PARVB: variants seen among roughly 807,000 people sequenced by gnomAD.
The protein encoded by PARVB is parvin beta.
In PARVB, 46 loss-of-function variants were observed where a neutral mutation model predicts 47.0. That is an observed-to-expected ratio of 0.98 (90% CI 0.77 to 1.25). PARVB has a LOEUF of 1.25. Among genes scored for constraint, PARVB ranks in the 50% most tolerant of loss-of-function variants. The pLI, the probability that PARVB is intolerant of heterozygous loss-of-function variation, is 0.00. For synonymous variants in PARVB, 196 were observed against 196.3 expected, an observed-to-expected ratio of 1.00 and a Z score of 0.01; for missense variants, 473 against 471.6, an observed-to-expected ratio of 1.00 and a Z score of -0.03.
chr22:44,077,302 C>T (rs1261368843), intron 1 of PARVB, among the ~76,000 whole-genome samples: 1 of 152,198 alleles, frequency 6.6e-6, no homozygotes, highest in African/African-American at 2.4e-5. Flanking sequence ...GCCTCTGTCT[C>T]CCTCTTCACG....
At position 44,079,242 on chromosome 22, in the gene PARVB, A is replaced by C. The variant is rs377399940; in HGVS notation, c.113-14686A>C. Among the ~76,000 whole-genome samples the C allele has an allele frequency of 5.3e-5, 8 of 152,216 alleles. No homozygotes were observed. The South Asian group carries it at 1.0e-3, about 20-fold the overall frequency. ...GGTGCTGACATCTGGGCTGATATTC[A>C]CCGTTTTTAGTGACTTGAATGACGT... On this transcript the variant is annotated intron_variant, in intron 1 of 12. Transcript: ENST00000338758.
intron 1 of PARVB, among the ~76,000 whole-genome samples, chr22:44,087,894 C>G (rs1284424281): frequency 8.2e-6 from 1 of 121,278 alleles, no homozygotes; most frequent in Non-Finnish European, 1.6e-5. Context: ...CTTGCCCAAT[C>G]TTTGGGTGGA....
intron 3 of PARVB, chr22:44,115,905 C>G (rs1365056415): frequency 6.6e-6 from 1 of 151,488 alleles, no homozygotes; most frequent in East Asian, 1.9e-4. Context: ...AACTAAGGCC[C>G]TGCACCAACA....
rs1199874584 is a variant in PARVB, at chr22:44,103,101, A to AC, written c.273+2983dup. Reference sequence around the variant, plus strand: ...TGCCTTTGCTGCTTTGCTGCCAAAGACCCCCAGGCTGTTTTGGCCTTGGTG... The same window carrying AC: ...TGCCTTTGCTGCTTTGCTGCCAAAGACCCCCCAGGCTGTTTTGGCCTTGGTG... On this transcript the variant is annotated intron_variant, in intron 3 of 12. Transcript: ENST00000338758. This position sits in a 1 kb window ranked among gnomAD's most constrained non-coding sequence, Gnocchi z 4.6. The AC allele has an allele frequency of 6.6e-6, 1 of 152,040 alleles. No homozygotes were observed. The highest frequency in any genetic ancestry group is 1.5e-5 in the Non-Finnish European group (1 of 68,054). 9.4% of individuals were successfully genotyped at this position (152,040 alleles called of 1,614,324 possible).
At chr22:44,072,636 T>A (rs895922022) in intron 1 of PARVB, among the ~76,000 whole-genome samples, 4 of 152,090 alleles carry the variant, frequency 2.6e-5, no homozygotes, top group Admixed American at 6.6e-5. Flanking sequence ...AGACGGGGGC[T>A]TCACCATGTT....
chr22:44,053,693 ACT>A (rs1438264066), intron 1 of PARVB, among the ~76,000 whole-genome samples: 2 of 152,050 alleles, frequency 1.3e-5, no homozygotes, highest in East Asian at 3.9e-4. Context: ...GTCTCCCAAG[ACT>A]CTGAACAGTG....
At chr22:44,167,255 G>A (rs889151765) in intron 12 of PARVB, among the ~76,000 whole-genome samples, 1 of 152,226 alleles carries the variant, frequency 6.6e-6, no homozygotes, top group African/African-American at 2.4e-5. Flanking sequence ...TGCGGAGCTC[G>A]ATGGTGGGGT....
chr22:44,096,130 C>T (rs2052301832), intron 2 of PARVB, among the ~76,000 whole-genome samples: 1 of 152,238 alleles, frequency 6.6e-6, no homozygotes, highest in Non-Finnish European at 1.5e-5. Flanking sequence ...GAGGCTAAGT[C>T]AGGAGAATCG....
chr22:44,145,741 C>G (rs957017351), intron 8 of PARVB: 1 of 152,204 alleles, frequency 6.6e-6, no homozygotes, highest in African/African-American at 2.4e-5. Context: ...GCGGAGAGGC[C>G]TCTGCGGCCC....
chr22:44,039,030 C>A (rs1174807679), intron 1 of PARVB, among the ~76,000 whole-genome samples: 1 of 152,156 alleles, frequency 6.6e-6, no homozygotes, highest in East Asian at 1.9e-4. Flanking sequence ...CCGTCACCAG[C>A]CACCTGGGAA....
intron 11 of PARVB, among the ~76,000 whole-genome samples, chr22:44,161,111 T>TTGTG (rs757284719): frequency 4.0e-5 from 6 of 150,368 alleles, no homozygotes; most frequent in African/African-American, 1.5e-4. Flanking sequence ...GTCAAGCCTG[T>TTGTG]TGTGTGTGTG....
intron 1 of PARVB, among the ~76,000 whole-genome samples, chr22:44,029,994 T>C (rs2050796915): frequency 6.6e-6 from 1 of 152,200 alleles, no homozygotes; most frequent in Non-Finnish European, 1.5e-5. Flanking sequence ...CTTTGTGGAC[T>C]TTAAATAACC....
chr22:44,086,281 G>A (rs57851784), intron 1 of PARVB, among the ~76,000 whole-genome samples: 2,928 of 152,318 alleles, frequency 0.019, 108 homozygotes, highest in African/African-American at 0.067. Flanking sequence ...GTCAAGAAGC[G>A]CTTTCTTGTA....
intron 1 of PARVB, among the ~76,000 whole-genome samples, chr22:44,083,522 C>T (rs781392777): frequency 3.9e-5 from 6 of 152,102 alleles, no homozygotes; most frequent in African/African-American, 1.4e-4. Context: ...AGGAGGGGCC[C>T]GAACTGCACC....
intron 1 of PARVB, among the ~76,000 whole-genome samples, chr22:44,061,609 TC>T (rs1307474804): frequency 4.0e-5 from 6 of 151,888 alleles, no homozygotes; most frequent in African/African-American, 1.5e-4. Flanking sequence ...TGGGGACACA[TC>T]CGGCAACTCA....
At chr22:44,073,726 C>T (rs2051704831) in intron 1 of PARVB, among the ~76,000 whole-genome samples, 1 of 152,168 alleles carries the variant, frequency 6.6e-6, no homozygotes, top group African/African-American at 2.4e-5. Context: ...GCAGAGGAGA[C>T]CCCAGAAGCA....
At position 44,125,047 on chromosome 22, in the gene PARVB, G is replaced by C. The variant is rs1026973983; in HGVS notation, c.376+5907G>C. On this transcript the variant is annotated intron_variant, in intron 4 of 12. Transcript: ENST00000338758. This position sits in a 1 kb window ranked among gnomAD's most constrained non-coding sequence, Gnocchi z 4.1. ...TCTTGGAGGGAAACCTCCTAGGCTT[G>C]TGACAGGTGGTGGTGAGGGTGGGGG... Among the ~76,000 whole-genome samples, 2 of 151,972 alleles carry C rather than the reference G, an allele frequency of 1.3e-5. No individual in the cohort carries two copies. Among genetic ancestry groups the C allele is most frequent in the Non-Finnish European group, 2.9e-5 (2 of 67,964 alleles).
At chr22:44,163,718 C>T (rs951890206) in intron 11 of PARVB, 140 bp from the exon 12 acceptor site, 28 of 626,130 alleles carry the variant, frequency 4.5e-5, no homozygotes, top group Middle Eastern at 4.0e-4. Context: ...CCCTGTGGCC[C>T]GCCCCGGGCT....
rs371609328 is a variant in PARVB, at chr22:44,009,521, A to G, written c.211+9848A>G. The G allele has an allele frequency of 3.0e-3, 452 of 152,210 alleles. 4 individuals are homozygous for G. The highest frequency in any genetic ancestry group is 0.01 in the African/African-American group (431 of 41,536). 9.4% of individuals were successfully genotyped at this position (152,210 alleles called of 1,614,324 possible). A position where few individuals can be genotyped will look rare whatever the true frequency, so the allele number is the denominator to read the frequency against. Reference sequence around the variant, plus strand: ...ATCAGCAATTCCCCATTGACAAAGTATTAAGGTAAAGTGGCATTCTGCCAT... The same window carrying G: ...ATCAGCAATTCCCCATTGACAAAGTGTTAAGGTAAAGTGGCATTCTGCCAT... On this transcript the variant is annotated intron_variant, in intron 2 of 13. Transcript: ENST00000406477.
Sources: gnomAD v4.1 joint callset for allele counts (sites outside exome capture counted in the v4.1 genomes callset) on GRCh38, gnomAD v4.1.1 for gene constraint, Gnocchi (gnomAD v3.1) non-coding constraint, MANE v1.5 for transcripts, NCBI Gene and HGNC (gene_info 2026-07-23, HGNC 2026-07-21) for gene names.